Variants in ARAP2 observed in about 807,000 individuals in gnomAD.
ARAP2 encodes the protein arf-GAP with Rho-GAP domain, ANK repeat and PH domain-containing protein 2.
In ARAP2, 148 loss-of-function variants were observed where a neutral mutation model predicts 194.5. That is an observed-to-expected ratio of 0.76 (90% confidence interval 0.67 to 0.87). The LOEUF is 0.87. ARAP2 is among the 40% of genes least tolerant of loss of function. ARAP2 has a pLI of 0.00. For synonymous variants in ARAP2, 695 were observed against 683.5 expected, an observed-to-expected ratio of 1.02 and a Z score of -0.26; for missense variants, 2,128 against 1,989.7, an observed-to-expected ratio of 1.07 and a Z score of -1.32.
At chr4:36,041,963 T>C (rs1466363340) in intron 5 of ARAP2, among the ~76,000 whole-genome samples, 2 of 151,972 alleles carry the variant, frequency 1.3e-5, no homozygotes, top group Non-Finnish European at 2.9e-5. Flanking sequence ...ATAAGTAGGA[T>C]GAAATCATAA....
At chr4:36,243,184 C>T (rs1432662155) in intron 1 of ARAP2, among the ~76,000 whole-genome samples, 1 of 151,842 alleles carries the variant, frequency 6.6e-6, no homozygotes, top group Non-Finnish European at 1.5e-5. Flanking sequence ...GGGCAAAGTT[C>T]CATGGGCCTG....
intron 19 of ARAP2, among the ~76,000 whole-genome samples, chr4:36,140,374 A>G (rs966607012): frequency 6.6e-6 from 1 of 151,788 alleles, no homozygotes; most frequent in African/African-American, 2.4e-5. Context: ...TCTTTAACAT[A>G]AAATCACTTA....
chr4:36,089,099 C>T (rs1712788732), intron 28 of ARAP2, among the ~76,000 whole-genome samples: 1 of 152,068 alleles, frequency 6.6e-6, no homozygotes, highest in African/African-American at 2.4e-5. Context: ...CTAGAAAGTA[C>T]CCCACTGACC....
intron 1 of ARAP2, among the ~76,000 whole-genome samples, chr4:36,230,140 G>T (rs971307427): frequency 6.6e-6 from 1 of 152,128 alleles, no homozygotes; most frequent in Non-Finnish European, 1.5e-5. Flanking sequence ...TAAGCATACA[G>T]GTAACTTCTC....
At chr4:36,208,839 G>C (rs1192699993) in intron 6 of ARAP2, among the ~76,000 whole-genome samples, 1 of 151,818 alleles carries the variant, frequency 6.6e-6, no homozygotes, top group Admixed American at 6.6e-5. Context: ...GGGGTGGGGT[G>C]GGGGGAGCTT....
intron 19 of ARAP2, among the ~76,000 whole-genome samples, chr4:36,142,388 C>A (rs1728560014): frequency 6.6e-6 from 1 of 151,464 alleles, no homozygotes; most frequent in African/African-American, 2.4e-5. Flanking sequence ...CATATATGCC[C>A]TTTCTGGGTC....
At chr4:36,210,094 T>C (rs955314987) in intron 6 of ARAP2, among the ~76,000 whole-genome samples, 1 of 152,186 alleles carries the variant, frequency 6.6e-6, no homozygotes, top group African/African-American at 2.4e-5. Flanking sequence ...GGACACAGAT[T>C]AGCACATTTT....
chr4:36,168,616 A>G (rs1331867196), intron 9 of ARAP2, among the ~76,000 whole-genome samples: 1 of 152,230 alleles, frequency 6.6e-6, no homozygotes, highest in Non-Finnish European at 1.5e-5. Flanking sequence ...AAAGCCTCTT[A>G]CATTTTTAAT....
At chr4:36,144,696 T>A (rs1729198839) in intron 19 of ARAP2, among the ~76,000 whole-genome samples, 1 of 151,924 alleles carries the variant, frequency 6.6e-6, no homozygotes, top group African/African-American at 2.4e-5. Flanking sequence ...ATTATCCTTG[T>A]CACAGCAATA....
At chr4:36,149,838 G>T (rs1179797791) in intron 16 of ARAP2, among the ~76,000 whole-genome samples, 2 of 152,070 alleles carry the variant, frequency 1.3e-5, no homozygotes, top group African/African-American at 4.8e-5. Context: ...TATAATAAAG[G>T]TAATATGTTC....
chr4:36,131,421 T>A (rs1007361209), intron 20 of ARAP2, among the ~76,000 whole-genome samples: 18 of 150,912 alleles, frequency 1.2e-4, no homozygotes, highest in African/African-American at 4.4e-4. Context: ...TATATGTGTA[T>A]ATATATGAAT....
In ARAP2 at chr4:36,019,808, T is replaced by C. The variant is rs142246033; in HGVS notation, n.608-522A>G. On this transcript the variant is annotated intron_variant and non_coding_transcript_variant, in intron 5 of 12. Transcript: ENST00000503225. ...AGGTGTCACTGGGTGTTATAAGATATAGGAACAGGTTATAGTTTCTCCTTA... is the reference window on the plus strand; with the variant it reads ...AGGTGTCACTGGGTGTTATAAGATACAGGAACAGGTTATAGTTTCTCCTTA... 2.6e-3 allele frequency among the ~76,000 whole-genome samples: 391 copies of C among 152,182 alleles called. 1 individual carries two copies. Among genetic ancestry groups the C allele is most frequent in the African/African-American group, 9.2e-3 (383 of 41,522 alleles).
At chr4:36,177,784 T>C (rs376635250) in intron 9 of ARAP2, 43 bp downstream of exon 9, 10 of 1,506,324 alleles carry the variant, frequency 6.6e-6, no homozygotes, top group South Asian at 1.4e-5. Flanking sequence ...GTTGTTACTA[T>C]AATAAAATAG....
At chr4:36,072,305 G>T (rs1236883286) in intron 32 of ARAP2, among the ~76,000 whole-genome samples, 1 of 152,014 alleles carries the variant, frequency 6.6e-6, no homozygotes, top group Admixed American at 6.6e-5. Flanking sequence ...TCTTTTAAAA[G>T]CTTGTAAACA....
intron 1 of ARAP2, among the ~76,000 whole-genome samples, chr4:36,234,956 A>G (rs1224954271): frequency 1.3e-5 from 2 of 152,222 alleles, no homozygotes; most frequent in African/African-American, 2.4e-5. Context: ...TGCCCATGCT[A>G]TCCTGACCCA....
chr4:36,036,555 G>A (rs1719962470), intron 5 of ARAP2, among the ~76,000 whole-genome samples: 1 of 152,006 alleles, frequency 6.6e-6, no homozygotes. Context: ...ATGTTAAAAT[G>A]AAGATAAAAA....
At chr4:36,143,699 T>C (rs1437017352) in intron 19 of ARAP2, among the ~76,000 whole-genome samples, 1 of 151,688 alleles carries the variant, frequency 6.6e-6, no homozygotes, top group Non-Finnish European at 1.5e-5. Flanking sequence ...GTTTAAATGG[T>C]GGGGATGGTA....
At chr4:36,139,785 A>G (rs145487220) in intron 19 of ARAP2, among the ~76,000 whole-genome samples, 1 of 151,738 alleles carries the variant, frequency 6.6e-6, no homozygotes, top group African/African-American at 2.4e-5. Flanking sequence ...TGTGATTTCT[A>G]CTGTGAAGTA....
chr4:36,210,942 G>A (rs545922121), intron 5 of ARAP2, among the ~76,000 whole-genome samples, 199 bp from the exon 6 acceptor site: 4 of 152,008 alleles, frequency 2.6e-5, no homozygotes, highest in African/African-American at 4.8e-5. Context: ...TATGACATCT[G>A]AATACTACTA....
Sources: gnomAD v4.1 joint callset for allele counts (sites outside exome capture counted in the v4.1 genomes callset) on GRCh38, gnomAD v4.1.1 for gene constraint, MANE v1.5 for transcripts, NCBI Gene and HGNC (gene_info 2026-07-23, HGNC 2026-07-21) for gene names.